The following SETD9 variants were observed in gnomAD, a reference collection of about 807,000 sequenced individuals.
SETD9 encodes the protein SET domain-containing protein 9.
Under a neutral mutation model 36.4 loss-of-function variants are expected in SETD9, and 37 were observed. That is an observed-to-expected ratio of 1.02 (90% CI 0.78 to 1.34). The LOEUF is 1.34. Among genes scored for constraint, SETD9 ranks in the 40% most tolerant of loss-of-function variants. SETD9 has a pLI of 0.00. For missense variants in SETD9, 323 were observed against 353.2 expected (o/e 0.91, Z 0.69); for synonymous variants, 128 against 132.9 (o/e 0.96, Z 0.26).
At chr5:56,923,660 T>A in intron 5 of SETD9, 1 of 1,613,792 alleles carries the variant, frequency 6.2e-7, no homozygotes, top group East Asian at 2.2e-5. Flanking sequence ...TGCAACAAAC[T>A]GTACTAAATG....
rs1197870352 is a variant in SETD9, at chr5:56,909,722, T to C, written c.77T>C (p.Leu26Pro). 1.2e-6 allele frequency: 2 copies of C among 1,611,278 alleles called. No homozygotes were observed. Among genetic ancestry groups the C allele is most frequent in the Middle Eastern group, 1.7e-4 (1 of 6,052 alleles). The stretch of plus-strand genomic sequence containing the variant: ...TACCGCTTCGTTCCCTGGATCGCAC[T>C]GAACCTAAGCCACAACCCGAGGTGA... ...YKYRFVPWIA[L>P]NLSHNPRTLR... The change falls in exon 1 of 6, where the codon CTG (leucine) becomes CCG (proline). Residue 26 changes from leucine to proline, a missense_variant. Transcript: ENST00000285947.
intron 1 of SETD9, chr5:56,910,405 C>T (rs1489467915): frequency 2.3e-6 from 3 of 1,303,552 alleles, no homozygotes; most frequent in Non-Finnish European, 3.0e-6. Flanking sequence ...GTGAGTCCCG[C>T]CGGCGTTATT....
chr5:56,918,093 G>GTCTA (rs1270490365), downstream of SETD9, among the ~76,000 whole-genome samples: 1 of 151,802 alleles, frequency 6.6e-6, no homozygotes, highest in African/African-American at 2.4e-5. Flanking sequence ...ATTGACATAC[G>GTCTA]TCTGCTCAAA....
rs770727785 is a variant in SETD9 at position 56,911,177 on chromosome 5, G to A, written c.107G>A (p.Arg36Gln). ...ACTTTTCCCATTTTCAGGACCCTCC[G>A]ATATGTTCCAGAGGAATCCAAAGAC... Reference protein sequence around the residue: ...LNLSHNPRTLRYVPEESKDKV... With the variant: ...LNLSHNPRTLQYVPEESKDKV... The change falls in exon 2 of 6, where the codon CGA becomes CAA. Residue 36 changes from arginine to glutamine, a missense_variant. Arg to Gln is a conservative substitution (Grantham distance 43). Coordinates refer to ENST00000285947, the MANE Select transcript of SETD9 (RefSeq NM_153706.4). The A allele has an allele frequency of 8.4e-6, 13 of 1,540,684 alleles. No homozygotes were observed. Among genetic ancestry groups the A allele is most frequent in the African/African-American group, 1.4e-5 (1 of 72,224 alleles).
At chr5:56,923,031 A>G (rs1259525853) in intron 5 of SETD9, 1 of 926,612 alleles carries the variant, frequency 1.1e-6, no homozygotes, top group African/African-American at 1.7e-5. Context: ...TGTCATAGTG[A>G]GAAAGGTTCA....
Position 56,911,267 on chromosome 5 carries a change from A to G in SETD9, c.197A>G (p.Asn66Ser). 2 of 1,611,108 alleles carry G rather than the reference A, an allele frequency of 1.2e-6. No homozygotes were observed. The highest frequency in any genetic ancestry group is 1.7e-6 in the Non-Finnish European group (2 of 1,178,908). Residue 66 changes from asparagine to serine, a missense_variant, in exon 2 of 6, where the codon AAT (asparagine) becomes AGT (serine). Physicochemically the swap from Asn to Ser is conservative, Grantham distance 46. Coordinates refer to ENST00000285947, the MANE Select transcript of SETD9 (RefSeq NM_153706.4). ...LLKVFQALFLNDFNKQSEILS... is the reference protein window; with the variant it reads ...LLKVFQALFLSDFNKQSEILS... ...AAAGTTTTCCAGGCTCTATTCTTAA[A>G]TGATTTCAATAAACAATCAGAAATC... is the stretch of plus-strand genomic sequence containing the variant.
In SETD9 at chr5:56,917,317, T is replaced by A. The variant is rs1398563330; in HGVS notation, c.*415T>A. On this transcript the variant is annotated 3_prime_UTR_variant, in exon 6 of 6. Transcript: ENST00000285947. ...AAAACTTTATTTTTACAGAATTGAG[T>A]AAAAAATACCTATTGTGTTGCCATG... 1 of 988,592 alleles carries A rather than the reference T, an allele frequency of 1.0e-6. No homozygotes were observed. Among genetic ancestry groups the A allele is most frequent in the African/African-American group, 1.7e-5 (1 of 57,352 alleles). The allele number at this position is 988,592 out of a possible 1,614,324, so 61.2% of individuals were successfully genotyped here.
chr5:56,911,659 A>C, intron 2 of SETD9, 123 bp downstream of exon 2: 1 of 1,140,220 alleles, frequency 8.8e-7, no homozygotes, highest in Non-Finnish European at 1.2e-6. Flanking sequence ...TCGAGTTTCC[A>C]TAGATTTTTG....
At chr5:56,919,123 CTTCTTT>C (rs1446773410), downstream of SETD9, among the ~76,000 whole-genome samples, 42 of 81,044 alleles carry the variant, frequency 5.2e-4, no homozygotes, top group South Asian at 0.014. Flanking sequence ...TACTTTGGGA[CTTCTTT>C]TTTTTTTTTT....
At position 56,911,384 on chromosome 5, in the gene SETD9, A is replaced by G; in HGVS notation, c.314A>G (p.Gln105Arg). Residue 105 changes from glutamine to arginine, a missense_variant, in exon 2 of 6, where the codon CAA (glutamine) becomes CGA (arginine). Coordinates refer to ENST00000285947, the MANE Select transcript of SETD9 (RefSeq NM_153706.4). ...QGVKLLENRH[Q>R]QQSTFKPEEI... ...GTGAAACTGCTTGAAAACAGACATC[A>G]ACAGCAAAGTACCTTTAAACCAGAA... is the stretch of plus-strand genomic sequence containing the variant. 6.2e-7 allele frequency: 1 copy of G among 1,613,792 alleles called. No individual in the cohort carries two copies. The highest frequency in any genetic ancestry group is 1.7e-5 in the Admixed American group (1 of 59,972).
intron 5 of SETD9, chr5:56,922,912 C>G: frequency 1.8e-6 from 1 of 549,110 alleles, no homozygotes. Context: ...AGAGTTCAAT[C>G]TTAGTTCCCA....
At chr5:56,922,166 A>G (rs181401896), downstream of SETD9, 1 of 152,662 alleles carries the variant, frequency 6.6e-6, no homozygotes, top group Admixed American at 6.5e-5. Flanking sequence ...CAAACAACTT[A>G]AAAGATGTCC....
chr5:56,913,381 T>A (rs1194261137), intron 3 of SETD9, among the ~76,000 whole-genome samples: 2 of 149,686 alleles, frequency 1.3e-5, no homozygotes, highest in East Asian at 4.2e-4. Flanking sequence ...TTTATTATTT[T>A]TTTTACTTTT....
chr5:56,917,288 T>G lies in SETD9; in HGVS notation c.*386T>G, dbSNP rs886113154. On this transcript the variant is annotated 3_prime_UTR_variant, in exon 6 of 6. Coordinates refer to ENST00000285947, the MANE Select transcript of SETD9 (RefSeq NM_153706.4). ...AGTACTGCTGATGTGTACAAACTTC[T>G]GTAAAAACTTTATTTTTACAGAATT... 1.0e-6 allele frequency: 1 copy of G among 992,710 alleles called. No homozygotes were observed. Among genetic ancestry groups the G allele is most frequent in the African/African-American group, 1.7e-5 (1 of 57,298 alleles). 61.5% of individuals were successfully genotyped at this position (992,710 alleles called of 1,614,324 possible).
At position 56,912,984 on chromosome 5, in the gene SETD9, A is replaced by G; in HGVS notation, c.467-27A>G. 6 of 1,606,066 alleles carry G rather than the reference A, an allele frequency of 3.7e-6. No individual in the cohort carries two copies. The South Asian group carries it at 4.4e-5, about 12-fold the overall frequency. On this transcript the variant is annotated intron_variant, in intron 2 of 5. Transcript: ENST00000285947. ...GTTTATGATTTTTCATGTTGTTATC[A>G]TATTTCTTTGTCTTGTTGTGTAATA...
chr5:56,910,794 G>A (rs188256414), intron 1 of SETD9: 20 of 180,646 alleles, frequency 1.1e-4, no homozygotes, highest in Non-Finnish European at 1.8e-4. Context: ...CATTCAGCTT[G>A]GCTGTTGGGT....
At position 56,911,353 on chromosome 5, in the gene SETD9, C is replaced by T; in HGVS notation, c.283C>T (p.Gln95Ter). The change falls in exon 2 of 6, where the codon CAA (glutamine) becomes TAA (stop). Residue 95 changes from glutamine to a stop codon, truncating the protein, a stop_gained. Coordinates refer to ENST00000285947, the MANE Select transcript of SETD9 (RefSeq NM_153706.4). LOFTEE classifies it high-confidence loss of function. ...TCAAGACCTACTGGCAGTTGAACAT[C>T]AAGGGGTGAAACTGCTTGAAAACAG... is the stretch of plus-strand genomic sequence containing the variant. Reference protein sequence around the residue: ...KYQDLLAVEHQGVKLLENRHQ... With the variant: ...KYQDLLAVEH The T allele has an allele frequency of 6.2e-7, 1 of 1,611,798 alleles. No individual in the cohort carries two copies. The highest frequency in any genetic ancestry group is 1.1e-5 in the South Asian group (1 of 90,530).
intron 5 of SETD9, among the ~76,000 whole-genome samples, chr5:56,924,672 C>A (rs1352646893): frequency 2.0e-5 from 3 of 152,142 alleles, no homozygotes; most frequent in Non-Finnish European, 4.4e-5. Context: ...TTGGAAACAA[C>A]AACAATAAAA....
downstream of SETD9, chr5:56,928,716 C>T: frequency 7.6e-7 from 1 of 1,310,218 alleles, no homozygotes; most frequent in Admixed American, 2.0e-5. Context: ...AAATTAGTTG[C>T]TTACATTCAC....
Sources: allele counts gnomAD v4.1 joint callset (sites outside exome capture counted in the v4.1 genomes callset), GRCh38; gene constraint gnomAD v4.1.1; transcripts MANE v1.5; gene names NCBI Gene and HGNC (gene_info 2026-07-23, HGNC 2026-07-21).